The following CDH22 variants were observed in gnomAD, a reference collection of about 807,000 sequenced individuals.
The protein encoded by CDH22 is cadherin 22.
CDH22 carries 30 observed loss-of-function variants against 58.4 expected under a neutral mutation model. The observed-to-expected ratio is 0.51, with a 90% CI of 0.38 to 0.70. The LOEUF (loss-of-function observed/expected upper bound fraction) is 0.70. Among genes scored for constraint, CDH22 ranks in the 30% least tolerant of loss-of-function variants. The pLI is 0.00. For synonymous variants in CDH22, 513 were observed against 558.2 expected (o/e 0.92, Z 1.14); for missense variants, 1,014 against 1,233.9 (o/e 0.82, Z 2.67).
At position 46,178,180 on chromosome 20, in the gene CDH22, G is replaced by T. The variant is rs764264029; in HGVS notation, c.1681C>A (p.His561Asn). 6.2e-7 allele frequency: 1 copy of T among 1,613,594 alleles called. No homozygotes were observed. The highest frequency in any genetic ancestry group is 8.5e-7 in the Non-Finnish European group (1 of 1,179,826). The change falls in exon 11 of 12, where the codon CAC becomes AAC. Residue 561 changes from histidine to asparagine, a missense_variant. By Grantham distance (68) the His-to-Asn change is moderately conservative. Coordinates refer to ENST00000537909, the MANE Select transcript of CDH22 (RefSeq NM_021248.3). The part of the protein sequence containing the change: ...LDIQDNTAAV[H>N]TQHVGFNRQE... ...CGGTTGAAGCCCACGTGCTGCGTGTGCACTGCAGCGGTGTTGTCTGTTCCG... is the reference window on the plus strand; with the variant it reads ...CGGTTGAAGCCCACGTGCTGCGTGTTCACTGCAGCGGTGTTGTCTGTTCCG...
intron 1 of CDH22, among the ~76,000 whole-genome samples, chr20:46,290,823 A>G (rs915658045): frequency 4.6e-5 from 7 of 152,120 alleles, no homozygotes; most frequent in African/African-American, 1.7e-4. Flanking sequence ...GCAGAGTTGC[A>G]GAGAGCCCAA....
At chr20:46,223,657 T>TTCCTTC (rs1568664066) in intron 4 of CDH22, among the ~76,000 whole-genome samples, 20 of 140,380 alleles carry the variant, frequency 1.4e-4, no homozygotes, top group South Asian at 7.1e-4. Flanking sequence ...TTCTCTTTCT[T>TTCCTTC]TTTCTTTCCT....
At chr20:46,248,326 A>G (rs1200344703) in intron 2 of CDH22, among the ~76,000 whole-genome samples, 1 of 152,128 alleles carries the variant, frequency 6.6e-6, no homozygotes, top group Non-Finnish European at 1.5e-5. Context: ...GCTTTTGCAG[A>G]GCCCCAGCTG....
chr20:46,268,202 G>A (rs899519527), intron 1 of CDH22, among the ~76,000 whole-genome samples: 3 of 152,210 alleles, frequency 2.0e-5, no homozygotes, highest in African/African-American at 2.4e-5. Flanking sequence ...CTAAAAACTC[G>A]GGCCGACCTC....
chr20:46,188,860 G>C (rs1304606786), intron 8 of CDH22, among the ~76,000 whole-genome samples: 1 of 152,024 alleles, frequency 6.6e-6, no homozygotes, highest in Non-Finnish European at 1.5e-5. Flanking sequence ...TCTCCTGGAG[G>C]AGGAAACCAC....
intron 1 of CDH22, among the ~76,000 whole-genome samples, chr20:46,260,902 T>C (rs1228309120): frequency 6.6e-6 from 1 of 152,130 alleles, no homozygotes; most frequent in Non-Finnish European, 1.5e-5. Flanking sequence ...GACCAAGAAG[T>C]GGGGCTGCAC....
chr20:46,264,149 C>T lies in CDH22; in HGVS notation c.-399-12456G>A, dbSNP rs528546573. 2.6e-4 allele frequency among the ~76,000 whole-genome samples: 39 copies of T among 152,330 alleles called. 2 individuals are homozygous for T. The South Asian group carries it at 5.6e-3, about 22-fold the overall frequency. On this transcript the variant is annotated intron_variant, in intron 1 of 11. Transcript: ENST00000537909. ...CACCTACTAAGAGCCAGGCACTGTTCTAGCACTTTATGTGCATTAGCTTAT... is the reference window on the plus strand; with the variant it reads ...CACCTACTAAGAGCCAGGCACTGTTTTAGCACTTTATGTGCATTAGCTTAT...
chr20:46,307,592 AG>A (rs1163662393), intron 1 of CDH22, among the ~76,000 whole-genome samples: 1 of 152,040 alleles, frequency 6.6e-6, no homozygotes, highest in Non-Finnish European at 1.5e-5. Context: ...GCCATAGGGC[AG>A]GGGGGGTCGC....
At chr20:46,258,896 C>T (rs2086418861) in intron 1 of CDH22, among the ~76,000 whole-genome samples, 1 of 152,194 alleles carries the variant, frequency 6.6e-6, no homozygotes, top group Non-Finnish European at 1.5e-5. Context: ...AGGGGAGGTC[C>T]AGGAGATCCC....
chr20:46,214,150 C>T (rs1463080484), intron 5 of CDH22, among the ~76,000 whole-genome samples: 1 of 152,086 alleles, frequency 6.6e-6, no homozygotes, highest in East Asian at 1.9e-4. Context: ...GAGGTGGGTG[C>T]TGTGCCTGGC....
chr20:46,174,898 C>T lies in CDH22; in HGVS notation c.2095G>A (p.Gly699Ser). 6.7e-7 allele frequency: 1 copy of T among 1,495,322 alleles called. No homozygotes were observed. The highest frequency in any genetic ancestry group is 8.9e-7 in the Non-Finnish European group (1 of 1,124,858). 92.6% of individuals were successfully genotyped at this position (1,495,322 alleles called of 1,614,324 possible). Reference sequence around the variant, plus strand: ...CCCGCGCTGCCGCCCCCGTCGCCGCCCTTGAGCTCGCCGAAGTCGTAGAGG... The same window carrying T: ...CCCGCGCTGCCGCCCCCGTCGCCGCTCTTGAGCTCGCCGAAGTCGTAGAGG... Reference protein sequence around the residue: ...RSLYDFGELKGGDGGGSAGGG... With the variant: ...RSLYDFGELKSGDGGGSAGGG... Residue 699 changes from glycine (G) to serine (S), a missense_variant, in exon 12 of 12, where the codon GGC becomes AGC. Physicochemically the swap from Gly to Ser is moderately conservative, Grantham distance 56. Transcript: ENST00000537909. The surrounding 1 kb of genome is among the most constrained non-coding windows in gnomAD (Gnocchi z 4.4).
At chr20:46,247,767 C>G (rs956993611) in intron 2 of CDH22, among the ~76,000 whole-genome samples, 1 of 152,148 alleles carries the variant, frequency 6.6e-6, no homozygotes, top group African/African-American at 2.4e-5. Flanking sequence ...ACACACAATG[C>G]CACCTCTCTT....
intron 1 of CDH22, among the ~76,000 whole-genome samples, chr20:46,288,752 A>T (rs2086587156): frequency 6.6e-6 from 1 of 152,124 alleles, no homozygotes; most frequent in Non-Finnish European, 1.5e-5. Context: ...CATCCAATCC[A>T]TCAGCAAATC....
At chr20:46,186,539 A>G in intron 10 of CDH22, 49 bp downstream of exon 10, 1 of 1,310,644 alleles carries the variant, frequency 7.6e-7, no homozygotes, top group South Asian at 1.2e-5. Context: ...GGAACAGGGC[A>G]GGGAGACTGT....
chr20:46,291,597 T>A (rs1019093455), intron 1 of CDH22, among the ~76,000 whole-genome samples: 2 of 152,214 alleles, frequency 1.3e-5, no homozygotes, highest in African/African-American at 4.8e-5. Context: ...ACCCTCTCAA[T>A]AGTCTCCCGA....
intron 3 of CDH22, among the ~76,000 whole-genome samples, chr20:46,234,514 A>C (rs1453252772): frequency 1.3e-5 from 2 of 152,256 alleles, no homozygotes; most frequent in African/African-American, 4.8e-5. Flanking sequence ...TATTTAGTGA[A>C]TATCCCAAGA....
chr20:46,256,605 G>A (rs1418082241), intron 1 of CDH22, among the ~76,000 whole-genome samples: 3 of 152,136 alleles, frequency 2.0e-5, no homozygotes, highest in African/African-American at 7.2e-5. Flanking sequence ...GTGTGGGGGT[G>A]GAGTCAGAGC....
At chr20:46,203,134 G>A (rs2145676843) in intron 7 of CDH22, among the ~76,000 whole-genome samples, 1 of 152,254 alleles carries the variant, frequency 6.6e-6, no homozygotes, top group East Asian at 1.9e-4. Flanking sequence ...TGTTCCTAAG[G>A]CCATAGGGCG....
chr20:46,275,307 G>T (rs1014225088), intron 1 of CDH22, among the ~76,000 whole-genome samples: 1 of 151,958 alleles, frequency 6.6e-6, no homozygotes, highest in African/African-American at 2.4e-5. Flanking sequence ...GTAGCTGTTC[G>T]CCAAGTCTGG....
Sources: allele counts gnomAD v4.1 joint callset (sites outside exome capture counted in the v4.1 genomes callset), GRCh38; gene constraint gnomAD v4.1.1; non-coding constraint Gnocchi (gnomAD v3.1); transcripts MANE v1.5; gene names NCBI Gene and HGNC (gene_info 2026-07-23, HGNC 2026-07-21).